GPR55: variants seen among roughly 807,000 people sequenced by gnomAD.
GPR55 encodes G protein-coupled receptor 55.
GPR55 carries 6 observed loss-of-function variants against 7.9 expected under a neutral mutation model. The ratio of observed to expected loss-of-function variants is 0.76; its 90% CI spans 0.41 to 1.49. GPR55 has a LOEUF of 1.49. Ranked by LOEUF, GPR55 falls within the 40% of genes most tolerant of loss-of-function variation. The pLI is 0.01. For missense variants in GPR55, 376 were observed against 406.0 expected, an observed-to-expected ratio of 0.93 and a Z score of 0.63; for synonymous variants, 183 against 166.8, an observed-to-expected ratio of 1.10 and a Z score of -0.75.
chr2:230,910,063 C>T lies in GPR55; in HGVS notation c.900G>A (p.Arg300=). ...FVIKEFRMNI[R]AHRPSRVQLV... ...GCTGGACCCTGGAAGGCCGGTGGGC[C>T]CTGATGTTCATGCGGAATTCTTTGA... Residue 300 remains arginine (R), a synonymous_variant, in exon 2 of 2, where the codon AGG becomes AGA. Transcript: ENST00000650999. This position sits in a 1 kb window ranked among gnomAD's most constrained non-coding sequence, Gnocchi z 5.4. 5 of 1,614,028 alleles carry T rather than the reference C, an allele frequency of 3.1e-6. No homozygotes were observed. Among genetic ancestry groups the T allele is most frequent in the Non-Finnish European group, 4.2e-6 (5 of 1,179,984 alleles).
intron 1 of GPR55, chr2:230,957,586 C>A: frequency 2.4e-6 from 1 of 423,136 alleles, no homozygotes; most frequent in South Asian, 1.8e-5. Flanking sequence ...GGCGGGGAGT[C>A]GTCCCCGTGG....
chr2:230,945,041 T>G lies in GPR55; in HGVS notation c.-135+15734A>C, dbSNP rs942077743. 3.9e-5 allele frequency among the ~76,000 whole-genome samples: 6 copies of G among 152,316 alleles called. No homozygotes were observed. The East Asian group carries it at 1.2e-3, about 29-fold the overall frequency. On this transcript the variant is annotated intron_variant, in intron 1 of 1. Coordinates refer to the GPR55 transcript ENST00000392039. The stretch of plus-strand genomic sequence containing the variant: ...CTCACTGCGGGGCTGGGAGCTGCCT[T>G]CCTTCCTCCCACCAGCCTCTAGGGG...
At chr2:230,940,506 C>T (rs76830545) in intron 1 of GPR55, among the ~76,000 whole-genome samples, 2,553 of 152,236 alleles carry the variant, frequency 0.017, 79 homozygotes, top group African/African-American at 0.058. Context: ...CTGCAGGGGC[C>T]GAAGACAGCG....
intron 1 of GPR55, among the ~76,000 whole-genome samples, chr2:230,945,800 C>T (rs1490292226): frequency 6.6e-6 from 1 of 152,206 alleles, no homozygotes; most frequent in Non-Finnish European, 1.5e-5. Context: ...TCTCGATCTA[C>T]TGACCTCGTG....
intron 1 of GPR55, among the ~76,000 whole-genome samples, chr2:230,948,507 G>A (rs541515782): frequency 1.3e-5 from 2 of 152,316 alleles, no homozygotes; most frequent in South Asian, 2.1e-4. Flanking sequence ...CCCTATATAT[G>A]GAATAGAACC....
intron 1 of GPR55, among the ~76,000 whole-genome samples, chr2:230,949,485 A>G (rs1691367168): frequency 6.6e-6 from 1 of 152,098 alleles, no homozygotes; most frequent in Non-Finnish European, 1.5e-5. Flanking sequence ...CTTGATAGCT[A>G]TTGTAAGATT....
Position 230,910,565 on chromosome 2 carries a change from C to T in GPR55, c.398G>A (p.Arg133Gln), listed in dbSNP as rs778174273. The stretch of plus-strand genomic sequence containing the variant: ...GATCCCAAAGATCTTCCTGGGGGAC[C>T]GGAGGTGGCTCACCAGTAGCGGGTA... The part of the protein sequence containing the change: ...IRYPLLVSHL[R>Q]SPRKIFGICC... Residue 133 changes from arginine (R) to glutamine (Q), a missense_variant, in exon 2 of 2, where the codon CGG (arginine) becomes CAG (glutamine). Physicochemically the swap from Arg to Gln is conservative, Grantham distance 43 (BLOSUM62 1). Transcript: ENST00000650999. This position sits in a 1 kb window ranked among gnomAD's most constrained non-coding sequence, Gnocchi z 5.4. The T allele has an allele frequency of 8.8e-5, 142 of 1,613,788 alleles. No homozygotes were observed. The highest frequency in any genetic ancestry group is 1.1e-4 in the Non-Finnish European group (133 of 1,179,872).
rs888951702 is a variant in GPR55, at chr2:230,908,165, C to A, written c.*1838G>T. On this transcript the variant is annotated 3_prime_UTR_variant, in exon 2 of 2. Transcript: ENST00000650999. Reference sequence around the variant, plus strand: ...TTACCTCTGGGTCTGCAGAGCCTGACTCTGTGGCTGTGGTTCTTAGAGGCC... The same window carrying A: ...TTACCTCTGGGTCTGCAGAGCCTGAATCTGTGGCTGTGGTTCTTAGAGGCC... 4 of 152,858 alleles carry A rather than the reference C, an allele frequency of 2.6e-5. No homozygotes were observed. Among genetic ancestry groups the A allele is most frequent in the Non-Finnish European group, 5.8e-5 (4 of 68,612 alleles). The allele number at this position is 152,858 out of a possible 1,614,324, so 9.5% of individuals were successfully genotyped here.
chr2:230,958,988 C>T (rs1691530887), intron 1 of GPR55, among the ~76,000 whole-genome samples: 2 of 152,196 alleles, frequency 1.3e-5, no homozygotes, highest in South Asian at 2.1e-4. Context: ...GGAACTCTCC[C>T]ACTGGAAATA....
chr2:230,913,537 A>G (rs940988899), intron 1 of GPR55, among the ~76,000 whole-genome samples: 1 of 152,198 alleles, frequency 6.6e-6, no homozygotes, highest in African/African-American at 2.4e-5. Context: ...GATTTATGTA[A>G]TGAGAGATCT....
rs539694542 is a variant in GPR55, at chr2:230,911,482, A to G, written c.-134-386T>C. 3.9e-5 allele frequency among the ~76,000 whole-genome samples: 6 copies of G among 152,292 alleles called. No individual in the cohort carries two copies. The East Asian group carries it at 7.7e-4, about 20-fold the overall frequency. On this transcript the variant is annotated intron_variant, in intron 1 of 1. Coordinates refer to ENST00000650999, the MANE Select transcript of GPR55 (RefSeq NM_005683.4). ...CTTTCCTGATGGTTGGACACAGTCA[A>G]CCTGCAACCAGGGATGATTGACACC...
At chr2:230,911,862 G>A (rs1231751516) in intron 1 of GPR55, among the ~76,000 whole-genome samples, 1 of 152,184 alleles carries the variant, frequency 6.6e-6, no homozygotes, top group East Asian at 1.9e-4. Flanking sequence ...TGCAGGTGTG[G>A]TTGCACAGGG....
At chr2:230,928,584 G>A (rs1690980524), upstream of GPR55, 1 of 152,182 alleles carries the variant, frequency 6.6e-6, no homozygotes, top group Non-Finnish European at 1.5e-5. Flanking sequence ...ATGGTAACAG[G>A]GGTAAGTGTA....
At chr2:230,932,498 A>G (rs987236385) in intron 1 of GPR55, among the ~76,000 whole-genome samples, 3 of 151,326 alleles carry the variant, frequency 2.0e-5, no homozygotes, top group Admixed American at 1.3e-4. Context: ...GAAAGTCTTC[A>G]GTGTTCATTA....
chr2:230,911,772 C>T (rs779707788), intron 1 of GPR55, among the ~76,000 whole-genome samples: 1 of 152,142 alleles, frequency 6.6e-6, no homozygotes, highest in Non-Finnish European at 1.5e-5. Flanking sequence ...GAGCGGGGCC[C>T]TGAGGTCTCC....
intron 1 of GPR55, among the ~76,000 whole-genome samples, chr2:230,952,091 G>A (rs969143950): frequency 2.0e-5 from 3 of 152,022 alleles, no homozygotes; most frequent in Non-Finnish European, 2.9e-5. Context: ...GGAGAGGGAG[G>A]GGGGGTTACT....
At chr2:230,933,608 T>A (rs1454109118) in intron 1 of GPR55, among the ~76,000 whole-genome samples, 1 of 152,186 alleles carries the variant, frequency 6.6e-6, no homozygotes, top group Admixed American at 6.5e-5. Flanking sequence ...CCACCCTCAG[T>A]CCCCTTAGGC....
Position 230,910,405 on chromosome 2 carries a change from C to T in GPR55, c.558G>A (p.Glu186=), listed in dbSNP as rs34386454. ...TWSAKVFFPL[E]VFGFLLPMGI... is the part of the protein sequence containing the mutation. ...CCATGGGAAGGAGGAAGCCAAACAC[C>T]TCCAGCGGGAAGAAGACCTTGGCGC... is the stretch of plus-strand genomic sequence containing the variant. Residue 186 remains glutamate, a synonymous_variant, in exon 2 of 2, where the codon GAG becomes GAA. Transcript: ENST00000650999. The surrounding 1 kb of genome is among the most constrained non-coding windows in gnomAD (Gnocchi z 5.4). The T allele has an allele frequency of 6.2e-7, 1 of 1,614,082 alleles. No homozygotes were observed. Among genetic ancestry groups the T allele is most frequent in the Non-Finnish European group, 8.5e-7 (1 of 1,179,964 alleles).
At chr2:230,936,571 A>G (rs1047743997) in intron 1 of GPR55, among the ~76,000 whole-genome samples, 1 of 152,198 alleles carries the variant, frequency 6.6e-6, no homozygotes, top group Non-Finnish European at 1.5e-5. Context: ...TAAATTACCC[A>G]GTCTTGGGTA....
Sources: gnomAD v4.1 joint callset for allele counts (sites outside exome capture counted in the v4.1 genomes callset) on GRCh38, gnomAD v4.1.1 for gene constraint, Gnocchi (gnomAD v3.1) non-coding constraint, MANE v1.5 for transcripts, NCBI Gene and HGNC (gene_info 2026-07-23, HGNC 2026-07-21) for gene names.